Variants in FRMPD4 observed in about 807,000 individuals in gnomAD.
The protein encoded by FRMPD4 is FERM and PDZ domain-containing protein 4.
Under a neutral mutation model 94.1 loss-of-function variants are expected in FRMPD4, and 22 were observed. That is an observed-to-expected ratio of 0.23 (90% CI 0.17 to 0.33). The LOEUF (loss-of-function observed/expected upper bound fraction) is 0.33. FRMPD4 is among the 10% of genes least tolerant of loss of function. FRMPD4 has a pLI of 1.00. For missense variants in FRMPD4, 1,111 were observed against 1,339.9 expected, an observed-to-expected ratio of 0.83 and a Z score of 2.67; for synonymous variants, 631 against 548.6, an observed-to-expected ratio of 1.15 and a Z score of -2.10.
At chrX:12,589,865 C>T (rs1297925798) in intron 2 of FRMPD4, among the ~76,000 whole-genome samples, 1 of 112,018 alleles carries the variant, frequency 8.9e-6, no homozygotes, top group African/African-American at 3.2e-5. Flanking sequence ...TTGTGATTAA[C>T]AGCGCAAAGC....
intron 2 of FRMPD4, among the ~76,000 whole-genome samples, chrX:12,563,239 T>TACACACACACACAC (rs369700317): frequency 8.5e-4 from 83 of 97,280 alleles, no homozygotes; most frequent in African/African-American, 2.9e-3. Flanking sequence ...TGTAAGTGTG[T>TACACACACACACAC]ACACACACAC....
At chrX:12,351,880 ATTAC>A (rs1434686927) in intron 1 of FRMPD4, among the ~76,000 whole-genome samples, 1 of 112,793 alleles carries the variant, frequency 8.9e-6, no homozygotes, top group East Asian at 2.8e-4. Flanking sequence ...TATATCACAA[ATTAC>A]TTAGTCATTA....
intron 1 of FRMPD4, among the ~76,000 whole-genome samples, chrX:12,406,340 A>C (rs779073643): frequency 8.9e-6 from 1 of 112,181 alleles, no homozygotes; most frequent in Admixed American, 9.5e-5. Context: ...GTTTTTAGTA[A>C]TCTCTGAAGT....
At chrX:11,993,390 T>C (rs2054476242) in intron 3 of FRMPD4, among the ~76,000 whole-genome samples, 1 of 111,198 alleles carries the variant, frequency 9.0e-6, no homozygotes, top group Admixed American at 9.6e-5. Flanking sequence ...ATCCTACACA[T>C]TGTGTGACGC....
chrX:12,045,757 T>A (rs1435226362), intron 3 of FRMPD4, among the ~76,000 whole-genome samples: 1 of 111,270 alleles, frequency 9.0e-6, no homozygotes, highest in Non-Finnish European at 1.9e-5. Flanking sequence ...GGACAGAAGA[T>A]GAAAAAAATC....
At chrX:11,887,950 A>C (rs765720192) in intron 3 of FRMPD4, among the ~76,000 whole-genome samples, 1 of 112,612 alleles carries the variant, frequency 8.9e-6, no homozygotes, top group Admixed American at 9.4e-5. Context: ...TCCTTTTTTA[A>C]AAAATGGGTT....
chrX:12,009,004 T>C (rs1275659501), intron 3 of FRMPD4, among the ~76,000 whole-genome samples: 1 of 111,940 alleles, frequency 8.9e-6, no homozygotes, highest in Non-Finnish European at 1.9e-5. Flanking sequence ...AATCTTTCGT[T>C]TGCTTTAAAT....
At chrX:12,179,165 C>T (rs1409113827) in intron 1 of FRMPD4, among the ~76,000 whole-genome samples, 1 of 111,433 alleles carries the variant, frequency 9.0e-6, no homozygotes, top group African/African-American at 3.3e-5. Flanking sequence ...GATAGATTTG[C>T]TTCCTTCCTT....
chrX:12,459,770 G>C, intron 1 of FRMPD4, among the ~76,000 whole-genome samples: 1 of 111,838 alleles, frequency 8.9e-6, no homozygotes, highest in East Asian at 2.8e-4. Flanking sequence ...CCATGTAGAA[G>C]TCTGTGTAGA....
At chrX:12,477,413 C>A (rs2057616704) in intron 1 of FRMPD4, among the ~76,000 whole-genome samples, 1 of 112,020 alleles carries the variant, frequency 8.9e-6, no homozygotes, top group African/African-American at 3.3e-5. Flanking sequence ...ATGTAACAAA[C>A]CTGCACGTTG....
At chrX:11,831,771 G>A (rs2053476384) in intron 1 of FRMPD4, among the ~76,000 whole-genome samples, 1 of 111,832 alleles carries the variant, frequency 8.9e-6, no homozygotes, top group South Asian at 3.7e-4. Flanking sequence ...AAGGAAAAGA[G>A]TAGTAGCTGT....
chrX:11,996,461 C>A (rs2054496769), intron 3 of FRMPD4, among the ~76,000 whole-genome samples: 1 of 112,306 alleles, frequency 8.9e-6, no homozygotes, highest in African/African-American at 3.2e-5. Flanking sequence ...ATGATTGTGA[C>A]TTTAGGAAAT....
intron 1 of FRMPD4, among the ~76,000 whole-genome samples, chrX:11,863,924 C>G (rs769820478): frequency 8.9e-6 from 1 of 111,895 alleles, no homozygotes; most frequent in Admixed American, 9.5e-5. Context: ...GACTTTGACT[C>G]GATTTAATAC....
At position 11,849,640 on chromosome X, in the gene FRMPD4, A is replaced by G. The variant is rs1339199377; in HGVS notation, c.-160-15446A>G. Among the ~76,000 whole-genome samples the G allele has an allele frequency of 1.8e-5, 2 of 110,237 alleles. 1 individual carries two copies. The highest frequency in any genetic ancestry group is 5.7e-4 in the East Asian group (2 of 3,530). On this transcript the variant is annotated intron_variant, in intron 1 of 18. Transcript: ENST00000640291. The stretch of plus-strand genomic sequence containing the variant: ...ACATAACATGGTCAAATGATTTTTA[A>G]TGAGAGTGCCAAGACAATTCAATGT...
intron 2 of FRMPD4, among the ~76,000 whole-genome samples, chrX:12,535,512 A>G (rs2058330053): frequency 8.9e-6 from 1 of 112,308 alleles, no homozygotes; most frequent in African/African-American, 3.2e-5. Flanking sequence ...TTGGAATCAG[A>G]TAAGGTTCAA....
rs191721863 is a variant in FRMPD4 at position 12,548,689 on chromosome X, C to T, written c.158+49893C>T. Among the ~76,000 whole-genome samples, 146 of 111,777 alleles carry T rather than the reference C, an allele frequency of 1.3e-3. 1 individual carries two copies. The highest frequency in any genetic ancestry group is 5.9e-3 in the Admixed American group (62 of 10,480). On this transcript the variant is annotated intron_variant, in intron 2 of 16. Transcript: ENST00000675598. ...GATTAAATGAGAATATTCTTGGAAC[C>T]GATAGAGAACTGGGCAGCTCATTGG...
At chrX:12,217,328 C>T (rs1459720820) in intron 1 of FRMPD4, among the ~76,000 whole-genome samples, 2 of 111,595 alleles carry the variant, frequency 1.8e-5, no homozygotes, top group Non-Finnish European at 3.8e-5. Context: ...AGATCATAAA[C>T]ATGATTTGTC....
At chrX:12,512,854 C>T (rs1334777295) in intron 2 of FRMPD4, among the ~76,000 whole-genome samples, 1 of 112,331 alleles carries the variant, frequency 8.9e-6, no homozygotes, top group Admixed American at 9.4e-5. Context: ...GAAAACATTC[C>T]TATTTCTCCA....
At chrX:12,305,725 G>GTTTTTTTTTGTTTTTT (rs563804861) in intron 1 of FRMPD4, among the ~76,000 whole-genome samples, 20 of 59,719 alleles carry the variant, frequency 3.3e-4, no homozygotes, top group African/African-American at 1.3e-3. Context: ...AGCTGGCTAA[G>GTTTTTTTTTGTTTTTT]TTTTTTTTTT....
Sources: allele counts gnomAD v4.1 joint callset (sites outside exome capture counted in the v4.1 genomes callset), GRCh38; gene constraint gnomAD v4.1.1; transcripts MANE v1.5; gene names NCBI Gene and HGNC (gene_info 2026-07-23, HGNC 2026-07-21).